Variants in UBR4 observed in about 807,000 individuals in gnomAD.
UBR4 encodes E3 ubiquitin-protein ligase UBR4.
In UBR4, 124 loss-of-function variants were observed where a neutral mutation model predicts 575.6. The ratio of observed to expected loss-of-function variants is 0.22; its 90% confidence interval spans 0.19 to 0.25. UBR4 has a LOEUF of 0.25. UBR4 is among the 10% of genes least tolerant of loss of function. The pLI is 1.00. For synonymous variants in UBR4, 2,455 were observed against 2,473.7 expected (o/e 0.99, Z 0.22); for missense variants, 4,818 against 6,478.8 (o/e 0.74, Z 8.80).
chr1:19,188,174 A>G (rs147896772), intron 11 of UBR4, among the ~76,000 whole-genome samples: 1 of 152,290 alleles, frequency 6.6e-6, no homozygotes, highest in East Asian at 1.9e-4. Flanking sequence ...TTAAATGTAG[A>G]TTGAACTTTT....
intron 60 of UBR4, among the ~76,000 whole-genome samples, chr1:19,137,192 C>G (rs1180386052): frequency 6.6e-6 from 1 of 151,506 alleles, no homozygotes; most frequent in Non-Finnish European, 1.5e-5. Context: ...CCCAGCAACT[C>G]GGGAGGCTGA....
chr1:19,159,099 T>G (rs530357447), intron 39 of UBR4, among the ~76,000 whole-genome samples: 29 of 152,146 alleles, frequency 1.9e-4, no homozygotes, highest in Non-Finnish European at 2.9e-4. Flanking sequence ...TAAGCTGAGA[T>G]CATGCCACTG....
intron 25 of UBR4, 68 bp from the exon 26 acceptor site, chr1:19,170,951 C>T (rs1214777915): frequency 6.2e-7 from 1 of 1,607,182 alleles, no homozygotes; most frequent in African/African-American, 1.3e-5. Flanking sequence ...AAAACTGGCC[C>T]TAGACTGGCT....
intron 51 of UBR4, 63 bp from the exon 52 acceptor site, chr1:19,147,063 G>C: frequency 6.7e-7 from 1 of 1,490,974 alleles, no homozygotes; most frequent in Non-Finnish European, 9.0e-7. Context: ...AAAGCAAAGA[G>C]GAGAGAAAAG....
Position 19,185,282 on chromosome 1 carries a change from A to G in UBR4, c.1755T>C (p.Asp585=), listed in dbSNP as rs764268531. Residue 585 remains aspartate (D), a synonymous_variant, in exon 15 of 106, where the codon GAT becomes GAC. Coordinates refer to ENST00000375254, the MANE Select transcript of UBR4 (RefSeq NM_020765.3). ...SSTEEDSSQD[D]DSEPILGQWF... ...ATTGCCCCAAAATAGGCTCACTGTC[A>G]TCGTCTGAATAGAGAAAGATAAAGT... is the stretch of plus-strand genomic sequence containing the variant. 1 of 1,550,258 alleles carries G rather than the reference A, an allele frequency of 6.5e-7. No homozygotes were observed. Among genetic ancestry groups the G allele is most frequent in the African/African-American group, 1.4e-5 (1 of 71,746 alleles).
Position 19,117,470 on chromosome 1 carries a change from T to C in UBR4, c.10630-56A>G. ...TAGTTCAAGACTCGTACTGCCTTTTTAAAAATTCATCAGTGTAACCCACTC... is the reference window on the plus strand; with the variant it reads ...TAGTTCAAGACTCGTACTGCCTTTTCAAAAATTCATCAGTGTAACCCACTC... On this transcript the variant is annotated intron_variant, in intron 72 of 105. Transcript: ENST00000375254. The surrounding 1 kb of genome is among the most constrained non-coding windows in gnomAD (Gnocchi z 4.0). The C allele has an allele frequency of 6.4e-7, 1 of 1,567,316 alleles. No individual in the cohort carries two copies. The highest frequency in any genetic ancestry group is 1.4e-5 in the African/African-American group (1 of 73,802).
At chr1:19,103,240 T>C (rs1431331378) in intron 87 of UBR4, among the ~76,000 whole-genome samples, 1 of 152,194 alleles carries the variant, frequency 6.6e-6, no homozygotes, top group Non-Finnish European at 1.5e-5. Context: ...CAGACACAAA[T>C]GTTTAATATG....
At chr1:19,143,477 T>C (rs1223153645) in intron 55 of UBR4, among the ~76,000 whole-genome samples, 1 of 152,222 alleles carries the variant, frequency 6.6e-6, no homozygotes, top group African/African-American at 2.4e-5. Context: ...TTGTGTATTG[T>C]GTACTGTGTA....
rs887907903 is a variant in UBR4, at chr1:19,095,040, G to C, written c.13627-15C>G. ...GCTACAAGGGCCTGTAGGAGAAGGA[G>C]ACTCAGTCACTCTCAGAATAAGACC... On this transcript the variant is annotated splice_polypyrimidine_tract_variant and intron_variant, in intron 93 of 105. Coordinates refer to ENST00000375254, the MANE Select transcript of UBR4 (RefSeq NM_020765.3). The C allele has an allele frequency of 1.9e-6, 3 of 1,614,010 alleles. No individual in the cohort carries two copies. The highest frequency in any genetic ancestry group is 1.3e-5 in the African/African-American group (1 of 74,932).
intron 60 of UBR4, among the ~76,000 whole-genome samples, chr1:19,130,044 G>A (rs1235145419): frequency 6.6e-6 from 1 of 151,866 alleles, no homozygotes; most frequent in East Asian, 1.9e-4. Context: ...TACAAAAAAG[G>A]ACCAAAAAAA....
intron 105 of UBR4, 108 bp from the exon 106 acceptor site, chr1:19,075,004 C>T: frequency 8.3e-7 from 1 of 1,202,890 alleles, no homozygotes; most frequent in South Asian, 1.3e-5. Flanking sequence ...GTCCGACAAG[C>T]TCTGGCCCGG....
chr1:19,122,787 T>G (rs367653544), intron 66 of UBR4, 46 bp downstream of exon 66: 79 of 1,609,768 alleles, frequency 4.9e-5, no homozygotes, highest in Non-Finnish European at 6.4e-5. Context: ...TGGCTAAGCC[T>G]TATCACATCC....
rs140468911 is a variant in UBR4, at chr1:19,074,842, G to A, written c.15542C>T (p.Ser5181Leu). 8.1e-6 allele frequency: 13 copies of A among 1,614,156 alleles called. No individual in the cohort carries two copies. Among genetic ancestry groups the A allele is most frequent in the Non-Finnish European group, 1.1e-5 (13 of 1,180,008 alleles). The change falls in exon 106 of 106, where the codon TCA becomes TTA. Residue 5181 changes from serine (S) to leucine (L), a missense_variant. Transcript: ENST00000375254. ...GCTGCTGTGTGGTGGTCAGGGGACT[G>A]AGTTCAACAGGTCCTTCAGGAAGCT... ...PESFLKDLLN[S>L]VP
chr1:19,131,699 C>A (rs1298545033), intron 60 of UBR4, among the ~76,000 whole-genome samples: 2 of 152,146 alleles, frequency 1.3e-5, no homozygotes, highest in African/African-American at 2.4e-5. Context: ...CATGGAGAAA[C>A]CCCATCTCTA....
chr1:19,201,646 C>T, intron 2 of UBR4, 72 bp downstream of exon 2: 1 of 1,346,438 alleles, frequency 7.4e-7, no homozygotes, highest in Non-Finnish European at 1.0e-6. Context: ...TTTTCAGATA[C>T]ACTAACGAGA....
At chr1:19,113,448 C>G (rs575784324) in intron 77 of UBR4, 1 of 541,204 alleles carries the variant, frequency 1.8e-6, no homozygotes, top group Non-Finnish European at 3.2e-6. Context: ...AAAAAAAACC[C>G]TTATCTGTGT....
chr1:19,140,825 A>G lies in UBR4; in HGVS notation c.8556T>C (p.Ser2852=). ...TGTCAGAGAGGGTTCCTGCGTCCAG[A>G]GAGGAAGAGCTGGGTGCCTGGCCGG... ...GLSGQAPSSS[S]LDAGTLSDTT... is the part of the protein sequence containing the mutation. The change falls in exon 58 of 106, where the codon TCT becomes TCC. Residue 2852 remains serine (S), a synonymous_variant. Coordinates refer to ENST00000375254, the MANE Select transcript of UBR4 (RefSeq NM_020765.3). The G allele has an allele frequency of 6.2e-7, 1 of 1,613,334 alleles. No individual in the cohort carries two copies. Among genetic ancestry groups the G allele is most frequent in the South Asian group, 1.1e-5 (1 of 90,998 alleles).
chr1:19,114,971 G>T (rs1364890549), intron 74 of UBR4, 22 bp from the exon 75 acceptor site: 6 of 1,614,054 alleles, frequency 3.7e-6, no homozygotes, highest in Non-Finnish European at 5.1e-6. Context: ...AAGCGTTTGG[G>T]TCAGTAAGGT....
chr1:19,101,487 C>T, intron 88 of UBR4, 33 bp downstream of exon 88: 1 of 1,585,316 alleles, frequency 6.3e-7, no homozygotes, highest in Non-Finnish European at 8.6e-7. Context: ...TGTGCTGACA[C>T]TCGAGAGCCA....
Sources: allele counts gnomAD v4.1 joint callset (sites outside exome capture counted in the v4.1 genomes callset), GRCh38; gene constraint gnomAD v4.1.1; non-coding constraint Gnocchi (gnomAD v3.1); transcripts MANE v1.5; gene names NCBI Gene and HGNC (gene_info 2026-07-23, HGNC 2026-07-21).